BTBD7: variants seen among roughly 807,000 people sequenced by gnomAD.
BTBD7 encodes the protein BTB domain containing 7.
Under a neutral mutation model 99.9 loss-of-function variants are expected in BTBD7, and 38 were observed. The ratio of observed to expected loss-of-function variants is 0.38; its 90% CI spans 0.29 to 0.50. BTBD7 has a LOEUF of 0.50. Ranked by LOEUF, BTBD7 falls within the 20% of genes least tolerant of loss-of-function variation. The pLI, the probability that BTBD7 is intolerant of heterozygous loss-of-function variation, is 0.93. For missense variants in BTBD7, 1,170 were observed against 1,394.6 expected (o/e 0.84, Z 2.57); for synonymous variants, 520 against 511.4 (o/e 1.02, Z -0.23).
chr14:93,242,271 T>C lies in BTBD7; in HGVS notation c.*2A>G. ...CAGGCACAGACGACTTGGAGGTTGC[T>C]CTCAGAGGGCAGACTTTTTGTAGAG... On this transcript the variant is annotated 3_prime_UTR_variant, in exon 11 of 11. Coordinates refer to ENST00000334746, the MANE Select transcript of BTBD7 (RefSeq NM_001002860.4). The C allele has an allele frequency of 6.2e-7, 1 of 1,611,244 alleles. No homozygotes were observed. The highest frequency in any genetic ancestry group is 8.5e-7 in the Non-Finnish European group (1 of 1,177,674).
Position 93,246,133 on chromosome 14 carries a change from G to A in BTBD7, c.2275C>T (p.Pro759Ser). 1 of 1,150,278 alleles carries A rather than the reference G, an allele frequency of 8.7e-7. No individual in the cohort carries two copies. The highest frequency in any genetic ancestry group is 3.8e-5 in the East Asian group (1 of 26,336). 71.3% of individuals were successfully genotyped at this position (1,150,278 alleles called of 1,614,324 possible). Residue 759 changes from proline to serine, a missense_variant, in exon 10 of 11, where the codon CCC (proline) becomes TCC (serine). Around this residue, in one of 4 missense-constraint regions of BTBD7, gnomAD observed 495 missense variants for 525.9 expected, o/e 0.94. Coordinates refer to ENST00000334746, the MANE Select transcript of BTBD7 (RefSeq NM_001002860.4). ...GGGTGGTAGGGAGGTGGTGGAGGGG[G>A]CAAGGGTGGATGGAAGGCCACAAAA... The part of the protein sequence containing the change: ...DSFVAFHPPL[P>S]PPPPPYHPPA...
intron 5 of BTBD7, among the ~76,000 whole-genome samples, chr14:93,259,023 T>C (rs1215316761): frequency 1.3e-5 from 2 of 152,368 alleles, no homozygotes; most frequent in African/African-American, 4.8e-5. Context: ...CACAGAGTTA[T>C]ATACAATCGG....
Position 93,297,415 on chromosome 14 carries a change from C to T in BTBD7, c.-106-1258G>A, listed in dbSNP as rs193163658. ...TCGGCTCACTTTAACCTCTGTCTCC[C>T]GGGTTCAAACAATTCTCCTGCCTCA... On this transcript the variant is annotated intron_variant, in intron 1 of 10. Coordinates refer to ENST00000334746, the MANE Select transcript of BTBD7 (RefSeq NM_001002860.4). Among the ~76,000 whole-genome samples, 20 of 152,246 alleles carry T rather than the reference C, an allele frequency of 1.3e-4. No homozygotes were observed. The East Asian group carries it at 1.7e-3, about 13-fold the overall frequency.
chr14:93,242,978 G>A lies in BTBD7; in HGVS notation c.2694C>T (p.Ser898=). 6.2e-7 allele frequency: 1 copy of A among 1,614,100 alleles called. No homozygotes were observed. The highest frequency in any genetic ancestry group is 8.5e-7 in the Non-Finnish European group (1 of 1,180,018). Residue 898 remains serine (S), a synonymous_variant, in exon 11 of 11, where the codon AGC becomes AGT. Coordinates refer to ENST00000334746, the MANE Select transcript of BTBD7 (RefSeq NM_001002860.4). The part of the protein sequence containing the change: ...LPELAVDTEL[S]QSVSEAGPGP... ...CTGGTCCTGCTTCAGAAACTGACTG[G>A]CTTAATTCTGTGTCTACAGCAAGCT... is the stretch of plus-strand genomic sequence containing the variant.
At chr14:93,323,011 T>C (rs2053287468) in intron 1 of BTBD7, among the ~76,000 whole-genome samples, 1 of 152,142 alleles carries the variant, frequency 6.6e-6, no homozygotes, top group Non-Finnish European at 1.5e-5. Context: ...CTGCCCTAGC[T>C]ACTCAGGTGG....
At chr14:93,287,144 G>A (rs1000906401) in intron 3 of BTBD7, among the ~76,000 whole-genome samples, 3 of 151,664 alleles carry the variant, frequency 2.0e-5, no homozygotes, top group Admixed American at 6.6e-5. Context: ...CAGGAGAATC[G>A]CTTGAACCTG....
At chr14:93,277,610 C>A (rs752692178) in intron 3 of BTBD7, among the ~76,000 whole-genome samples, 8 of 152,064 alleles carry the variant, frequency 5.3e-5, no homozygotes, top group Non-Finnish European at 8.8e-5. Flanking sequence ...TGGATAATAC[C>A]GTCTACCCTA....
chr14:93,332,095 C>CA (rs1435004256), intron 1 of BTBD7, among the ~76,000 whole-genome samples: 1 of 152,154 alleles, frequency 6.6e-6, no homozygotes, highest in Non-Finnish European at 1.5e-5. Flanking sequence ...CAACACTCCT[C>CA]AGAGTTTCTT....
At chr14:93,330,138 G>C (rs929867273) in intron 1 of BTBD7, among the ~76,000 whole-genome samples, 1 of 152,032 alleles carries the variant, frequency 6.6e-6, no homozygotes, top group East Asian at 1.9e-4. Flanking sequence ...TTACCTTCCT[G>C]GTTTACCACA....
In BTBD7 at chr14:93,277,035, C is replaced by T. The variant is rs1162834330; in HGVS notation, c.1163-13042G>A. Among the ~76,000 whole-genome samples the T allele has an allele frequency of 2.7e-5, 4 of 150,440 alleles. No homozygotes were observed. In the East Asian group the frequency reaches 6.0e-4, roughly 22 times the overall value. ...TCTGATCTCAGCTTCCTGAGTAGCT[C>T]GGATTACAGGCACGCACCACCACAC... On this transcript the variant is annotated intron_variant, in intron 3 of 10. Transcript: ENST00000334746.
chr14:93,331,753 C>A (rs2139844049), intron 1 of BTBD7, among the ~76,000 whole-genome samples: 1 of 152,142 alleles, frequency 6.6e-6, no homozygotes, highest in South Asian at 2.1e-4. Context: ...TGGCAGCGGG[C>A]GCCTGTAATC....
chr14:93,283,620 C>T (rs926763848), intron 3 of BTBD7, among the ~76,000 whole-genome samples: 3 of 152,220 alleles, frequency 2.0e-5, no homozygotes, highest in Non-Finnish European at 4.4e-5. Flanking sequence ...AGCAGGATCT[C>T]AGCTCACTGT....
intron 1 of BTBD7, 22 bp downstream of exon 1, chr14:93,332,796 TCA>T: frequency 3.4e-6 from 5 of 1,472,624 alleles, no homozygotes; most frequent in Non-Finnish European, 3.6e-6. Flanking sequence ...CTCCACAGCC[TCA>T]GAGACACCAA....
rs553635903 is a variant in BTBD7 at position 93,305,774 on chromosome 14, T to TA, written c.-106-9618dup. On this transcript the variant is annotated intron_variant, in intron 1 of 10. Transcript: ENST00000334746. ...AGAATATCATAGACTGGGTAATATATAAAAAAATCTATTTCTTACAGTTCT... is the reference window on the plus strand; with the variant it reads ...AGAATATCATAGACTGGGTAATATATAAAAAAAATCTATTTCTTACAGTTCT... Among the ~76,000 whole-genome samples the TA allele has an allele frequency of 8.7e-3, 1,319 of 152,274 alleles. 5 individuals are homozygous for TA. Among genetic ancestry groups the TA allele is most frequent in the Non-Finnish European group, 0.014 (978 of 68,020 alleles).
Position 93,296,114 on chromosome 14 carries a change from A to G in BTBD7, c.-63T>C. On this transcript the variant is annotated 5_prime_UTR_variant, in exon 2 of 11. Coordinates refer to ENST00000334746, the MANE Select transcript of BTBD7 (RefSeq NM_001002860.4). ...TCAGAGTATAATCCCAGAGGCCTTT[A>G]TGAACCTTCAACCCTGGATCCAGCA... 1.3e-6 allele frequency: 2 copies of G among 1,565,314 alleles called. No homozygotes were observed. The highest frequency in any genetic ancestry group is 1.7e-6 in the Non-Finnish European group (2 of 1,153,892).
intron 1 of BTBD7, among the ~76,000 whole-genome samples, chr14:93,299,122 C>T (rs2052963616): frequency 6.6e-6 from 1 of 152,140 alleles, no homozygotes; most frequent in Admixed American, 6.6e-5. Flanking sequence ...GTGGGGGAGG[C>T]AGATTTCCTG....
At chr14:93,319,101 G>A (rs1490345501) in intron 1 of BTBD7, among the ~76,000 whole-genome samples, 1 of 152,200 alleles carries the variant, frequency 6.6e-6, no homozygotes, top group Non-Finnish European at 1.5e-5. Flanking sequence ...CAGCTACTCC[G>A]GAGGCTGAGA....
intron 1 of BTBD7, among the ~76,000 whole-genome samples, chr14:93,324,158 GC>G (rs1413971113): frequency 6.6e-6 from 1 of 152,188 alleles, no homozygotes; most frequent in African/African-American, 2.4e-5. Flanking sequence ...GAGATTTTGG[GC>G]CAGGTGCAGT....
chr14:93,331,603 G>A (rs571225660), intron 1 of BTBD7, among the ~76,000 whole-genome samples: 14 of 152,214 alleles, frequency 9.2e-5, no homozygotes, highest in Non-Finnish European at 1.6e-4. Flanking sequence ...TGACCAGACC[G>A]GGCGCGGTGG....
Sources: gnomAD v4.1 joint callset for allele counts (sites outside exome capture counted in the v4.1 genomes callset) on GRCh38, gnomAD v4.1.1 for gene constraint, gnomAD v4.1.1 regional missense constraint, MANE v1.5 for transcripts, NCBI Gene and HGNC (gene_info 2026-07-23, HGNC 2026-07-21) for gene names.